Variants in RYR3 observed in about 807,000 individuals in gnomAD.
RYR3 encodes brain ryanodine receptor-calcium release channel.
Under a neutral mutation model 584.3 loss-of-function variants are expected in RYR3, and 207 were observed. The ratio of observed to expected loss-of-function variants is 0.35; its 90% CI spans 0.32 to 0.40. The LOEUF is 0.40. Ranked by LOEUF, RYR3 falls within the 10% of genes least tolerant of loss-of-function variation. The pLI, the probability that RYR3 is intolerant of heterozygous loss-of-function variation, is 1.00. For synonymous variants in RYR3, 2,416 were observed against 2,248.5 expected (o/e 1.07, Z -2.11); for missense variants, 5,616 against 6,089.2 (o/e 0.92, Z 2.59).
chr15:33,525,373 T>G (rs1004691139), intron 3 of RYR3, among the ~76,000 whole-genome samples: 1 of 152,246 alleles, frequency 6.6e-6, no homozygotes, highest in Non-Finnish European at 1.5e-5. Context: ...TTGGTTCTTT[T>G]CAGAATAAAA....
chr15:33,519,881 A>G (rs1419679733), intron 3 of RYR3, among the ~76,000 whole-genome samples: 1 of 152,208 alleles, frequency 6.6e-6, no homozygotes, highest in Non-Finnish European at 1.5e-5. Context: ...ATATACTTCA[A>G]GAAAAAGGCA....
At chr15:33,314,766 T>G (rs1465950723) in intron 1 of RYR3, among the ~76,000 whole-genome samples, 3 of 151,628 alleles carry the variant, frequency 2.0e-5, no homozygotes, top group Non-Finnish European at 4.4e-5. Context: ...TACAAAAAAT[T>G]AGCCGGGCGT....
chr15:33,550,060 G>A (rs1357556637), intron 9 of RYR3, 100 bp from the exon 10 acceptor site: 1 of 1,257,724 alleles, frequency 8.0e-7, no homozygotes, highest in Non-Finnish European at 1.1e-6. Context: ...ACACCAGAAG[G>A]GTTATAAGTC....
intron 1 of RYR3, among the ~76,000 whole-genome samples, chr15:33,455,266 G>A (rs897586546): frequency 1.6e-4 from 25 of 152,218 alleles, no homozygotes; most frequent in African/African-American, 6.0e-4. Context: ...CTGACTTGCA[G>A]TGTGTCAGGG....
intron 73 of RYR3, among the ~76,000 whole-genome samples, 165 bp downstream of exon 73, chr15:33,813,159 A>T (rs1056297288): frequency 6.6e-6 from 1 of 152,192 alleles, no homozygotes; most frequent in Non-Finnish European, 1.5e-5. Flanking sequence ...ATGCCCTGTG[A>T]TAGGAGACCT....
chr15:33,632,329 T>G (rs541269632), intron 23 of RYR3, among the ~76,000 whole-genome samples: 1 of 152,364 alleles, frequency 6.6e-6, no homozygotes, highest in South Asian at 2.1e-4. Flanking sequence ...CCTAGTCTTC[T>G]GCATTTACAC....
chr15:33,777,769 A>C (rs2074097847), intron 64 of RYR3, among the ~76,000 whole-genome samples: 1 of 139,454 alleles, frequency 7.2e-6, no homozygotes, highest in African/African-American at 2.7e-5. Flanking sequence ...CATGGTTTTA[A>C]TTTTGGTCAA....
chr15:33,472,914 A>T (rs888065004), intron 1 of RYR3, among the ~76,000 whole-genome samples: 9 of 152,088 alleles, frequency 5.9e-5, no homozygotes, highest in Admixed American at 1.3e-4. Context: ...TCTGGCAAAT[A>T]TGCGGCCCAC....
At chr15:33,759,639 A>C (rs574830338) in intron 60 of RYR3, among the ~76,000 whole-genome samples, 36 of 152,332 alleles carry the variant, frequency 2.4e-4, no homozygotes, top group African/African-American at 7.7e-4. Flanking sequence ...GAAATATGGG[A>C]CTATGTGAAA....
intron 62 of RYR3, among the ~76,000 whole-genome samples, chr15:33,770,013 C>A (rs1434313819): frequency 3.3e-5 from 5 of 151,866 alleles, no homozygotes; most frequent in Admixed American, 3.3e-4. Flanking sequence ...CTTTAACATG[C>A]CCATTAAGAA....
intron 91 of RYR3, 133 bp downstream of exon 91, chr15:33,842,168 T>C: frequency 1.0e-6 from 1 of 1,003,148 alleles, no homozygotes; most frequent in East Asian, 2.6e-5. Context: ...AACTTTCTTC[T>C]TCCCATGTGT....
intron 93 of RYR3, 116 bp from the exon 94 acceptor site, chr15:33,848,175 C>T: frequency 7.7e-7 from 1 of 1,303,364 alleles, no homozygotes; most frequent in South Asian, 1.3e-5. Flanking sequence ...TCTAAGAATT[C>T]CACTATAAGG....
chr15:33,368,381 C>T (rs1393470332), intron 1 of RYR3, among the ~76,000 whole-genome samples: 1 of 121,096 alleles, frequency 8.3e-6, no homozygotes, highest in Non-Finnish European at 1.6e-5. Context: ...TGGCTCCTTA[C>T]TACAAGGTCT....
chr15:33,590,710 C>T (rs78384091), intron 16 of RYR3, among the ~76,000 whole-genome samples: 3,934 of 148,582 alleles, frequency 0.026, 150 homozygotes, highest in African/African-American at 0.084. Context: ...GTTAGTGTTT[C>T]GCAGACTGGA....
intron 3 of RYR3, among the ~76,000 whole-genome samples, chr15:33,526,356 C>T (rs1211656193): frequency 2.0e-5 from 3 of 152,180 alleles, no homozygotes; most frequent in Non-Finnish European, 2.9e-5. Flanking sequence ...CCCCATCCTG[C>T]GAGATGGAAC....
chr15:33,327,117 C>T (rs1277490528), intron 1 of RYR3, among the ~76,000 whole-genome samples: 1 of 151,976 alleles, frequency 6.6e-6, no homozygotes, highest in African/African-American at 2.4e-5. Flanking sequence ...AGCTGTTATA[C>T]AGCTATAGAA....
intron 14 of RYR3, 42 bp from the exon 15 acceptor site, chr15:33,584,353 A>G: frequency 9.1e-7 from 1 of 1,099,840 alleles, no homozygotes; most frequent in Non-Finnish European, 1.4e-6. Context: ...GCCCATCATT[A>G]TATCCTTTAA....
chr15:33,834,285 AACACACACACACACACACACACAC>A (rs61059288), intron 86 of RYR3, among the ~76,000 whole-genome samples: 4 of 136,870 alleles, frequency 2.9e-5, no homozygotes, highest in African/African-American at 1.1e-4. Flanking sequence ...ATCTGTCTTA[AACACACACACACACACACACACAC>A]ACACACACAC....
At chr15:33,579,698 ATAT>A in intron 12 of RYR3, among the ~76,000 whole-genome samples, 1 of 152,340 alleles carries the variant, frequency 6.6e-6, no homozygotes, top group African/African-American at 2.4e-5. Context: ...TATTACAGTA[ATAT>A]TAACAGGATG....
Sources: gnomAD v4.1 joint callset for allele counts (sites outside exome capture counted in the v4.1 genomes callset) on GRCh38, gnomAD v4.1.1 for gene constraint, MANE v1.5 for transcripts, NCBI Gene and HGNC (gene_info 2026-07-23, HGNC 2026-07-21) for gene names.